The following NAALADL2 variants were observed in gnomAD, a reference collection of about 807,000 sequenced individuals.
NAALADL2 encodes inactive N-acetylated-alpha-linked acidic dipeptidase-like protein 2.
NAALADL2 carries 76 observed loss-of-function variants against 87.2 expected under a neutral mutation model. The ratio of observed to expected loss-of-function variants is 0.87; its 90% CI spans 0.72 to 1.05. The LOEUF is 1.05. Ranked by LOEUF, NAALADL2 falls within the 50% of genes least tolerant of loss-of-function variation. The pLI, the probability that NAALADL2 is intolerant of heterozygous loss-of-function variation, is 0.00. For missense variants in NAALADL2, 1,089 were observed against 945.8 expected (o/e 1.15, Z -1.99); for synonymous variants, 354 against 331.0 (o/e 1.07, Z -0.75).
intron 1 of NAALADL2, among the ~76,000 whole-genome samples, chr3:175,022,826 A>T (rs1000980498): frequency 6.7e-6 from 1 of 150,180 alleles, no homozygotes; most frequent in African/African-American, 2.5e-5. Context: ...ATCATCTTAA[A>T]TGATTAATTC....
intron 2 of NAALADL2, among the ~76,000 whole-genome samples, chr3:174,667,640 T>G (rs144362670): frequency 0.023 from 3,498 of 149,920 alleles, 58 homozygotes; most frequent in Middle Eastern, 0.041. Flanking sequence ...GGGCATACTT[T>G]GGGTTGTAAA....
intron 1 of NAALADL2, among the ~76,000 whole-genome samples, chr3:175,066,707 G>A (rs1714598501): frequency 6.6e-6 from 1 of 152,134 alleles, no homozygotes. Flanking sequence ...CTGACAGGAA[G>A]GAAGTGTATC....
chr3:175,067,930 CT>C (rs1314688815), intron 1 of NAALADL2, among the ~76,000 whole-genome samples: 9 of 151,926 alleles, frequency 5.9e-5, no homozygotes, highest in African/African-American at 1.9e-4. Context: ...GAAATGAAGT[CT>C]TTGAAACAAC....
chr3:175,168,832 G>A (rs746864032), intron 2 of NAALADL2, among the ~76,000 whole-genome samples: 20 of 151,620 alleles, frequency 1.3e-4, no homozygotes, highest in African/African-American at 2.4e-4. Flanking sequence ...AAAAATATGC[G>A]GTAGGATATC....
chr3:175,199,781 T>A (rs1437951785), intron 2 of NAALADL2, among the ~76,000 whole-genome samples: 1 of 135,118 alleles, frequency 7.4e-6, no homozygotes, highest in Non-Finnish European at 1.6e-5. Context: ...GTTAAGACAG[T>A]ATCTTCTTAA....
intron 3 of NAALADL2, among the ~76,000 whole-genome samples, chr3:174,822,694 G>A (rs1054312739): frequency 6.6e-6 from 1 of 152,132 alleles, no homozygotes. Flanking sequence ...TTTGGGTATA[G>A]GGAAATTTGT....
chr3:174,849,863 A>C (rs563940923), intron 3 of NAALADL2, among the ~76,000 whole-genome samples: 238 of 151,916 alleles, frequency 1.6e-3, no homozygotes, highest in African/African-American at 5.5e-3. Flanking sequence ...TATTTCTTAA[A>C]AATTGTTGTA....
intron 9 of NAALADL2, among the ~76,000 whole-genome samples, chr3:175,490,070 C>A (rs527660335): frequency 1.3e-5 from 2 of 152,100 alleles, no homozygotes; most frequent in East Asian, 1.9e-4. Flanking sequence ...TCTCTGTCAA[C>A]AATGATCAGT....
chr3:175,742,429 GCT>G (rs1370719031), intron 12 of NAALADL2, among the ~76,000 whole-genome samples: 3 of 152,000 alleles, frequency 2.0e-5, no homozygotes, highest in Non-Finnish European at 4.4e-5. Context: ...ACGGAGTCTC[GCT>G]CTGTCACCCA....
intron 2 of NAALADL2, among the ~76,000 whole-genome samples, chr3:175,197,778 G>T (rs1346130022): frequency 1.3e-5 from 2 of 151,958 alleles, no homozygotes; most frequent in African/African-American, 2.4e-5. Flanking sequence ...TACATGGGAG[G>T]TGTCAGGAAG....
At chr3:175,170,033 G>C (rs9836423) in intron 2 of NAALADL2, among the ~76,000 whole-genome samples, 126,444 of 151,664 alleles carry the variant, frequency 0.83, 53,016 homozygotes, top group East Asian at 0.93. Flanking sequence ...AGCCTACTGT[G>C]TTGACAACTT....
chr3:175,043,349 C>T (rs112060747), intron 1 of NAALADL2, among the ~76,000 whole-genome samples: 2,403 of 152,224 alleles, frequency 0.016, 68 homozygotes, highest in African/African-American at 0.055. Flanking sequence ...AGTGATTCTC[C>T]TGCCTCAGCC....
chr3:175,093,416 T>TTATATA (rs1179118417), intron 1 of NAALADL2, among the ~76,000 whole-genome samples: 4 of 139,524 alleles, frequency 2.9e-5, no homozygotes, highest in African/African-American at 1.1e-4. Context: ...TTTTATTTTT[T>TTATATA]TATATATATA....
At chr3:174,498,864 T>A (rs1231478290) in intron 1 of NAALADL2, among the ~76,000 whole-genome samples, 1 of 151,976 alleles carries the variant, frequency 6.6e-6, no homozygotes. Context: ...TTACATTTGC[T>A]TATTTGCCAT....
intron 5 of NAALADL2, among the ~76,000 whole-genome samples, chr3:175,434,001 C>T (rs10490876): frequency 0.044 from 6,625 of 151,872 alleles, 177 homozygotes; most frequent in East Asian, 0.086. Flanking sequence ...TCACTATATA[C>T]CATCACTACA....
intron 1 of NAALADL2, among the ~76,000 whole-genome samples, chr3:175,093,292 T>G (rs1327226898): frequency 6.6e-6 from 1 of 151,388 alleles, no homozygotes; most frequent in Non-Finnish European, 1.5e-5. Context: ...AGGGCAGAGG[T>G]GTTTTTAAGA....
At chr3:174,967,530 C>T (rs886785061) in intron 1 of NAALADL2, among the ~76,000 whole-genome samples, 1 of 152,148 alleles carries the variant, frequency 6.6e-6, no homozygotes, top group Non-Finnish European at 1.5e-5. Flanking sequence ...TTGCCTTGAC[C>T]AATGCTATTT....
chr3:175,725,886 GTTA>G (rs933254847), intron 11 of NAALADL2, among the ~76,000 whole-genome samples: 2 of 152,130 alleles, frequency 1.3e-5, no homozygotes, highest in African/African-American at 2.4e-5. Flanking sequence ...GTTAGCTGCT[GTTA>G]TTATTATTGA....
intron 1 of NAALADL2, among the ~76,000 whole-genome samples, chr3:174,944,561 G>T (rs1449780869): frequency 6.6e-6 from 1 of 152,150 alleles, no homozygotes; most frequent in East Asian, 1.9e-4. Flanking sequence ...TAGCATCCTG[G>T]ATTCAGCTTC....
Sources: allele counts gnomAD v4.1 joint callset (sites outside exome capture counted in the v4.1 genomes callset), GRCh38; gene constraint gnomAD v4.1.1; transcripts MANE v1.5; gene names NCBI Gene and HGNC (gene_info 2026-07-23, HGNC 2026-07-21).